NTRK2: variants seen among roughly 807,000 people sequenced by gnomAD.
The protein encoded by NTRK2 is BDNF/NT-3 growth factors receptor.
Under a neutral mutation model 94.5 loss-of-function variants are expected in NTRK2, and 13 were observed. That is an observed-to-expected ratio of 0.14 (90% CI 0.09 to 0.22). The LOEUF (loss-of-function observed/expected upper bound fraction) is 0.22. Among genes scored for constraint, NTRK2 ranks in the 10% least tolerant of loss-of-function variants. The pLI, the probability that NTRK2 is intolerant of heterozygous loss-of-function variation, is 1.00. For missense variants in NTRK2, 639 were observed against 1,071.2 expected, an observed-to-expected ratio of 0.60 and a Z score of 5.63; for synonymous variants, 372 against 407.4, an observed-to-expected ratio of 0.91 and a Z score of 1.05.
intron 2 of NTRK2, among the ~76,000 whole-genome samples, chr9:84,676,541 T>G (rs929797597): frequency 2.0e-5 from 3 of 152,166 alleles, no homozygotes; most frequent in Non-Finnish European, 4.4e-5. Flanking sequence ...GCTTTAGAAA[T>G]GATCTGCTTC....
chr9:84,879,179 G>A (rs573963685), intron 14 of NTRK2, among the ~76,000 whole-genome samples: 1 of 152,150 alleles, frequency 6.6e-6, no homozygotes, highest in Admixed American at 6.5e-5. Context: ...AGAGAGAGAC[G>A]GAGAGTGAGG....
chr9:84,723,942 T>A (rs1322690854), intron 7 of NTRK2, among the ~76,000 whole-genome samples: 1 of 152,240 alleles, frequency 6.6e-6, no homozygotes, highest in Non-Finnish European at 1.5e-5. Context: ...ATATCCCTAG[T>A]GAGCTCTTTG....
chr9:84,674,076 T>G (rs560828161), intron 2 of NTRK2, among the ~76,000 whole-genome samples: 128 of 152,004 alleles, frequency 8.4e-4, no homozygotes, highest in Non-Finnish European at 1.4e-3. Context: ...ACCCAAGTGG[T>G]AAAAGGCACA....
At chr9:84,955,578 A>G (rs1445748138) in intron 17 of NTRK2, 61 bp downstream of exon 17, 4 of 1,364,352 alleles carry the variant, frequency 2.9e-6, no homozygotes, top group Admixed American at 1.8e-5. Context: ...CCCCTGCTGT[A>G]TTTGTTTGCT....
intron 12 of NTRK2, among the ~76,000 whole-genome samples, chr9:84,851,976 A>G (rs1199126044): frequency 6.6e-6 from 1 of 152,236 alleles, no homozygotes; most frequent in African/African-American, 2.4e-5. Context: ...TTCTAAACAC[A>G]TTTAATGTGG....
chr9:84,669,683 A>C (rs1006821163), upstream of NTRK2: 1 of 153,110 alleles, frequency 6.5e-6, no homozygotes, highest in Admixed American at 6.5e-5. The surrounding 1 kb of genome is among the most constrained non-coding windows in gnomAD (Gnocchi z 4.1). Flanking sequence ...ATTTCAGACT[A>C]ATTTTCTGGA....
chr9:84,821,599 A>G (rs1283658272), intron 12 of NTRK2, among the ~76,000 whole-genome samples: 2 of 152,182 alleles, frequency 1.3e-5, no homozygotes, highest in Non-Finnish European at 2.9e-5. Flanking sequence ...CTGAGCTCCA[A>G]GATGTAAGGA....
rs538066427 is a variant in NTRK2 at position 84,879,931 on chromosome 9, T to C, written c.1633+12500T>C. Reference sequence around the variant, plus strand: ...GCCCAGGCCATCTATGGTACAATGATTGATATAGGCTCACTGGCCTGTGAT... The same window carrying C: ...GCCCAGGCCATCTATGGTACAATGACTGATATAGGCTCACTGGCCTGTGAT... On this transcript the variant is annotated intron_variant, in intron 14 of 18. Transcript: ENST00000277120. 1.2e-4 allele frequency among the ~76,000 whole-genome samples: 18 copies of C among 152,348 alleles called. No individual in the cohort carries two copies. The South Asian group carries it at 3.3e-3, about 28-fold the overall frequency.
intron 12 of NTRK2, among the ~76,000 whole-genome samples, chr9:84,778,518 C>T (rs937188236): frequency 1.3e-5 from 2 of 152,166 alleles, no homozygotes; most frequent in Non-Finnish European, 2.9e-5. Context: ...GTGCCTGCAT[C>T]GTTGGTTGGA....
intron 2 of NTRK2, among the ~76,000 whole-genome samples, chr9:84,684,232 C>T (rs1426966282): frequency 6.6e-6 from 1 of 152,164 alleles, no homozygotes; most frequent in Non-Finnish European, 1.5e-5. Flanking sequence ...GCTTTCGTTG[C>T]AATTGCTTTT....
At chr9:84,906,522 G>T (rs1239023609) in intron 14 of NTRK2, among the ~76,000 whole-genome samples, 3 of 152,218 alleles carry the variant, frequency 2.0e-5, no homozygotes, top group Non-Finnish European at 4.4e-5. Flanking sequence ...AGTCAGTTTG[G>T]CAGGGACAGA....
intron 12 of NTRK2, among the ~76,000 whole-genome samples, chr9:84,822,742 T>C (rs1017392760): frequency 6.6e-6 from 1 of 152,016 alleles, no homozygotes; most frequent in African/African-American, 2.4e-5. Flanking sequence ...CCCAGGAGGG[T>C]TCTGCCTTTA....
intron 1 of NTRK2, 76 bp from the exon 2 acceptor site, chr9:84,670,301 G>T: frequency 3.6e-6 from 1 of 275,196 alleles, no homozygotes; most frequent in Non-Finnish European, 6.8e-6. Flanking sequence ...GATGACGCGA[G>T]CAGAGAGGGA....
intron 12 of NTRK2, among the ~76,000 whole-genome samples, chr9:84,836,928 C>T (rs868445044): frequency 1.9e-4 from 21 of 113,374 alleles, no homozygotes; most frequent in Admixed American, 3.3e-4. Flanking sequence ...GAGAGCTTGT[C>T]GTAGAGTATA....
intron 14 of NTRK2, among the ~76,000 whole-genome samples, chr9:84,916,673 G>A (rs1021414689): frequency 6.6e-6 from 1 of 152,122 alleles, no homozygotes; most frequent in African/African-American, 2.4e-5. Flanking sequence ...ATTGGTTCAG[G>A]GTCTGGGTGC....
At chr9:84,905,192 C>T (rs2077035637) in intron 14 of NTRK2, among the ~76,000 whole-genome samples, 1 of 152,026 alleles carries the variant, frequency 6.6e-6, no homozygotes, top group African/African-American at 2.4e-5. Flanking sequence ...GGAAGAAAGA[C>T]AGTAGTAGAA....
At chr9:84,964,047 A>G (rs918232650) in intron 17 of NTRK2, among the ~76,000 whole-genome samples, 2 of 152,202 alleles carry the variant, frequency 1.3e-5, no homozygotes, top group Non-Finnish European at 2.9e-5. Flanking sequence ...ATCTGTATCT[A>G]TCCTTAACCA....
At chr9:84,910,015 T>C (rs1467068428) in intron 14 of NTRK2, among the ~76,000 whole-genome samples, 4 of 152,198 alleles carry the variant, frequency 2.6e-5, no homozygotes, top group African/African-American at 9.7e-5. Context: ...TGGTTTTAGA[T>C]CCTGAAGGTT....
chr9:84,869,345 C>T (rs145201967), intron 14 of NTRK2, among the ~76,000 whole-genome samples: 18 of 152,170 alleles, frequency 1.2e-4, no homozygotes, highest in East Asian at 7.7e-4. Flanking sequence ...TGCACCCAAC[C>T]GCAATGTCCC....
Sources: allele counts gnomAD v4.1 joint callset (sites outside exome capture counted in the v4.1 genomes callset), GRCh38; gene constraint gnomAD v4.1.1; non-coding constraint Gnocchi (gnomAD v3.1); transcripts MANE v1.5; gene names NCBI Gene and HGNC (gene_info 2026-07-23, HGNC 2026-07-21).